Variants in CRLS1 observed in about 807,000 individuals in gnomAD.
CRLS1 encodes cardiolipin synthase (CMP-forming).
A neutral mutation model predicts 37.0 loss-of-function variants in CRLS1; 24 were observed. The observed-to-expected ratio is 0.65, with a 90% CI of 0.47 to 0.91. CRLS1 has a LOEUF of 0.91. Ranked by LOEUF, CRLS1 falls within the 40% of genes least tolerant of loss-of-function variation. The probability of loss-of-function intolerance (pLI) is 0.00; values close to 1 mark genes in which losing one functional copy is unlikely to be tolerated. For missense variants in CRLS1, 373 were observed against 395.8 expected, an observed-to-expected ratio of 0.94 and a Z score of 0.49; for synonymous variants, 135 against 159.7, an observed-to-expected ratio of 0.85 and a Z score of 1.17.
At chr20:6,025,415 G>GA (rs1196734348) in intron 3 of CRLS1, among the ~76,000 whole-genome samples, 1 of 151,916 alleles carries the variant, frequency 6.6e-6, no homozygotes, top group Non-Finnish European at 1.5e-5. Flanking sequence ...CTACTGCTCA[G>GA]AAAAAAAAGA....
chr20:6,031,805 A>G (rs1980188610), intron 4 of CRLS1, among the ~76,000 whole-genome samples: 1 of 152,112 alleles, frequency 6.6e-6, no homozygotes, highest in Non-Finnish European at 1.5e-5. Context: ...AATTTTATAA[A>G]GCAAACTATA....
chr20:6,032,963 G>A (rs1218117635), intron 5 of CRLS1, among the ~76,000 whole-genome samples: 1 of 151,978 alleles, frequency 6.6e-6, no homozygotes, highest in African/African-American at 2.4e-5. Flanking sequence ...AGTGACTTGT[G>A]TTTATATTGT....
intron 1 of CRLS1, 81 bp downstream of exon 1, chr20:6,006,633 T>A (rs1394947426): frequency 8.2e-7 from 1 of 1,220,792 alleles, no homozygotes; most frequent in Non-Finnish European, 1.0e-6. Context: ...CTCTGGGTGG[T>A]GCAGCTCGGA....
intron 3 of CRLS1, among the ~76,000 whole-genome samples, chr20:6,021,625 T>C (rs1374986292): frequency 6.6e-6 from 1 of 152,214 alleles, no homozygotes; most frequent in Non-Finnish European, 1.5e-5. Flanking sequence ...TAAATATATA[T>C]GTAAATAACA....
At chr20:6,015,274 G>A in intron 2 of CRLS1, 87 bp from the exon 3 acceptor site, 1 of 772,358 alleles carries the variant, frequency 1.3e-6, no homozygotes, top group South Asian at 2.2e-5. Flanking sequence ...GAGTATAATT[G>A]TTATTCTGGT....
Position 6,006,531 on chromosome 20 carries a change from C to T in CRLS1, c.285C>T (p.Gly95=). The T allele has an allele frequency of 7.6e-7, 1 of 1,324,070 alleles. No individual in the cohort carries two copies. Among genetic ancestry groups the T allele is most frequent in the South Asian group, 2.1e-5 (1 of 46,998 alleles). 82.0% of individuals were successfully genotyped at this position (1,324,070 alleles called of 1,614,324 possible). A position where few individuals can be genotyped will look rare whatever the true frequency, so the allele number is the denominator to read the frequency against. ...CCGAAGCCCCGGGCGGCCAGTGGGG[C>T]CCGGCGAGCACCCCCAGCCTGGTAC... is the stretch of plus-strand genomic sequence containing the variant. ...AAAEAPGGQW[G]PASTPSLYEN... is the part of the protein sequence containing the mutation. Residue 95 remains glycine, a synonymous_variant, in exon 1 of 7, where the codon GGC becomes GGT. Coordinates refer to ENST00000378863, the MANE Select transcript of CRLS1 (RefSeq NM_019095.6).
At chr20:6,018,591 G>T (rs1476387411) in intron 3 of CRLS1, among the ~76,000 whole-genome samples, 1 of 152,186 alleles carries the variant, frequency 6.6e-6, no homozygotes, top group African/African-American at 2.4e-5. Flanking sequence ...AAGTTAAGAA[G>T]TTCACTTCTG....
intron 3 of CRLS1, chr20:6,028,245 T>G (rs1373595650): frequency 6.6e-6 from 1 of 152,110 alleles, no homozygotes; most frequent in Non-Finnish European, 1.5e-5. Flanking sequence ...ATTCTGCTAT[T>G]CTTTTTGGTC....
intron 6 of CRLS1, among the ~76,000 whole-genome samples, chr20:6,034,925 T>TA (rs1980437860): frequency 6.6e-6 from 1 of 152,036 alleles, no homozygotes; most frequent in African/African-American, 2.4e-5. Flanking sequence ...AGCCAAGAGA[T>TA]AGAGTGTAGG....
chr20:6,019,691 CTTTTTTTT>C, intron 3 of CRLS1, among the ~76,000 whole-genome samples: 1 of 120,250 alleles, frequency 8.3e-6, no homozygotes, highest in Non-Finnish European at 1.7e-5. Context: ...TTTCGAAATT[CTTTTTTTT>C]TTTTTTTTTT....
chr20:6,017,659 G>A (rs929884213), intron 3 of CRLS1, among the ~76,000 whole-genome samples: 20 of 152,126 alleles, frequency 1.3e-4, no homozygotes, highest in Admixed American at 1.3e-3. Flanking sequence ...ACAAATTTTA[G>A]AATCAGCTTT....
chr20:6,029,846 T>C (rs1980012228), intron 3 of CRLS1, among the ~76,000 whole-genome samples: 1 of 151,988 alleles, frequency 6.6e-6, no homozygotes, highest in Non-Finnish European at 1.5e-5. Context: ...TTCTTTGGAA[T>C]AGTATTATCC....
intron 5 of CRLS1, 111 bp from the exon 6 acceptor site, chr20:6,034,353 A>G: frequency 1.5e-6 from 1 of 685,732 alleles, no homozygotes; most frequent in Non-Finnish European, 2.5e-6. Flanking sequence ...AACAGCAAGC[A>G]TGCTGAGGGT....
At chr20:6,033,293 C>G (rs1157461559) in intron 5 of CRLS1, among the ~76,000 whole-genome samples, 2 of 151,118 alleles carry the variant, frequency 1.3e-5, no homozygotes, top group Non-Finnish European at 3.0e-5. Context: ...CCACGCCCAG[C>G]TAATTTTTTT....
rs1017200094 is a variant in CRLS1 at position 6,039,843 on chromosome 20, T to G, written c.*2685T>G. On this transcript the variant is annotated 3_prime_UTR_variant, in exon 7 of 7. Coordinates refer to ENST00000378863, the MANE Select transcript of CRLS1 (RefSeq NM_019095.6). ...CTGCGAGCTAAGGAATACTGAGGAT[T>G]GCTGCCAACCATCCGAAGCTGGGAG... 4 of 151,950 alleles carry G rather than the reference T, an allele frequency of 2.6e-5. No homozygotes were observed. Among genetic ancestry groups the G allele is most frequent in the African/African-American group, 9.7e-5 (4 of 41,362 alleles). The allele number at this position is 151,950 out of a possible 1,614,324, so 9.4% of individuals were successfully genotyped here. A position where few individuals can be genotyped will look rare whatever the true frequency, so the allele number is the denominator to read the frequency against.
intron 1 of CRLS1, chr20:6,007,178 C>A: frequency 7.4e-7 from 1 of 1,346,264 alleles, no homozygotes; most frequent in Non-Finnish European, 9.7e-7. Flanking sequence ...CTTTTGATGT[C>A]ATGTTAGCAA....
intron 2 of CRLS1, among the ~76,000 whole-genome samples, chr20:6,012,279 T>C (rs906135554): frequency 1.3e-5 from 2 of 152,134 alleles, no homozygotes; most frequent in Admixed American, 1.3e-4. Flanking sequence ...AAATGGATTA[T>C]AGACAGCTAA....
chr20:6,012,030 GT>G (rs11481861), intron 2 of CRLS1, among the ~76,000 whole-genome samples: 6 of 147,748 alleles, frequency 4.1e-5, no homozygotes, highest in South Asian at 2.1e-4. Context: ...TGTCTGCTAC[GT>G]TTTTTTTTTT....
At chr20:6,006,588 G>A (rs1193482876) in intron 1 of CRLS1, 36 bp downstream of exon 1, 1 of 1,250,374 alleles carries the variant, frequency 8.0e-7, no homozygotes, top group Admixed American at 4.3e-5. Flanking sequence ...GCCGGCCCTG[G>A]GCTGGGGTCG....
Sources: gnomAD v4.1 joint callset for allele counts (sites outside exome capture counted in the v4.1 genomes callset) on GRCh38, gnomAD v4.1.1 for gene constraint, MANE v1.5 for transcripts, NCBI Gene and HGNC (gene_info 2026-07-23, HGNC 2026-07-21) for gene names.